SLC4A4: variants seen among roughly 807,000 people sequenced by gnomAD.
SLC4A4 encodes the protein solute carrier family 4 member 4.
SLC4A4 carries 27 observed loss-of-function variants against 111.5 expected under a neutral mutation model. The ratio of observed to expected loss-of-function variants is 0.24; its 90% CI spans 0.18 to 0.33. The LOEUF is 0.33. Ranked by LOEUF, SLC4A4 falls within the 10% of genes least tolerant of loss-of-function variation. The pLI is 1.00. For synonymous variants in SLC4A4, 443 were observed against 463.4 expected (o/e 0.96, Z 0.57); for missense variants, 909 against 1,315.5 (o/e 0.69, Z 4.78).
chr4:71,311,446 A>C (rs533888222), intron 3 of SLC4A4, among the ~76,000 whole-genome samples: 4 of 152,362 alleles, frequency 2.6e-5, no homozygotes, highest in African/African-American at 7.2e-5. Flanking sequence ...AATTGGAAGT[A>C]AAACACTCCT....
At chr4:71,479,635 G>C (rs1439545031) in intron 14 of SLC4A4, among the ~76,000 whole-genome samples, 1 of 151,684 alleles carries the variant, frequency 6.6e-6, no homozygotes, top group African/African-American at 2.4e-5. Context: ...CCCTCTTTAT[G>C]AGGTAGGTTT....
At chr4:71,529,132 C>T (rs1217432150) in intron 16 of SLC4A4, among the ~76,000 whole-genome samples, 1 of 151,820 alleles carries the variant, frequency 6.6e-6, no homozygotes, top group African/African-American at 2.4e-5. Flanking sequence ...ATAGCAACAC[C>T]ATTAAAAGAA....
intron 5 of SLC4A4, 102 bp from the exon 6 acceptor site, chr4:71,356,906 C>A: frequency 9.5e-7 from 1 of 1,050,620 alleles, no homozygotes; most frequent in Non-Finnish European, 1.4e-6. Flanking sequence ...AAAACAATAT[C>A]TTGCTATTAA....
intron 16 of SLC4A4, among the ~76,000 whole-genome samples, chr4:71,517,996 A>T (rs1163409595): frequency 6.6e-6 from 1 of 152,162 alleles, no homozygotes; most frequent in Non-Finnish European, 1.5e-5. Flanking sequence ...GGAGTGGTCC[A>T]GGAGCCTTGG....
intron 7 of SLC4A4, among the ~76,000 whole-genome samples, chr4:71,430,576 G>A (rs1723548717): frequency 6.6e-6 from 1 of 152,058 alleles, no homozygotes; most frequent in South Asian, 2.1e-4. Context: ...ATTAATTGAA[G>A]CCCAAAAGGG....
At chr4:71,430,672 G>C (rs939026588) in intron 7 of SLC4A4, among the ~76,000 whole-genome samples, 3 of 152,112 alleles carry the variant, frequency 2.0e-5, no homozygotes, top group Non-Finnish European at 2.9e-5. Context: ...TGAGACTGGG[G>C]ACTCAACAGT....
chr4:71,449,133 A>G (rs1023967872), intron 9 of SLC4A4, among the ~76,000 whole-genome samples: 1 of 152,180 alleles, frequency 6.6e-6, no homozygotes, highest in Non-Finnish European at 1.5e-5. Context: ...TTAATGATAA[A>G]TCAAGAGCTA....
At chr4:71,291,491 G>C (rs928595783) in intron 3 of SLC4A4, among the ~76,000 whole-genome samples, 4 of 151,966 alleles carry the variant, frequency 2.6e-5, no homozygotes, top group Admixed American at 2.0e-4. Context: ...CCAGGCTGGA[G>C]TGCAGTGGCA....
In SLC4A4 at chr4:71,160,334, A is replaced by AG. The variant is rs547843310; in HGVS notation, c.-2+67544dup. 1.2e-4 allele frequency among the ~76,000 whole-genome samples: 17 copies of AG among 136,144 alleles called. 1 individual carries two copies. In the South Asian group the frequency reaches 3.6e-3, roughly 29 times the overall value. 89.3% of individuals were successfully genotyped at this position (136,144 alleles called of 152,430 possible). On this transcript the variant is annotated intron_variant, in intron 2 of 26. Coordinates refer to the SLC4A4 transcript ENST00000649996. ...ATGTGTCTGGGTGAGTGTTAACTCC[A>AG]GGCTTTTTTTTTTTCTTTTCAAGAA...
intron 1 of SLC4A4, among the ~76,000 whole-genome samples, chr4:71,089,786 G>A (rs1742322059): frequency 6.6e-6 from 1 of 152,142 alleles, no homozygotes; most frequent in Non-Finnish European, 1.5e-5. Flanking sequence ...ACCCGGCCAT[G>A]TGAGGTGTCA....
chr4:71,534,756 T>C (rs1734262655), intron 18 of SLC4A4, among the ~76,000 whole-genome samples: 2 of 152,188 alleles, frequency 1.3e-5, no homozygotes, highest in South Asian at 4.1e-4. Context: ...ATCTGCTTTC[T>C]CTTAAATCAA....
chr4:71,443,098 C>CTG (rs1222306067), intron 8 of SLC4A4, among the ~76,000 whole-genome samples: 1 of 94,596 alleles, frequency 1.1e-5, no homozygotes, highest in African/African-American at 5.0e-5. Flanking sequence ...CTCTCTCTCT[C>CTG]TCTCTCTCTC....
chr4:71,530,905 G>C (rs1297439502), intron 16 of SLC4A4, among the ~76,000 whole-genome samples: 2 of 152,088 alleles, frequency 1.3e-5, no homozygotes, highest in African/African-American at 4.8e-5. Context: ...GAAGCTGACT[G>C]CTCACCCTGA....
chr4:71,318,898 T>C lies in SLC4A4; in HGVS notation c.254-20472T>C, dbSNP rs2148864501. Among the ~76,000 whole-genome samples, 2 of 151,974 alleles carry C rather than the reference T, an allele frequency of 1.3e-5. 1 individual carries two copies. The highest frequency in any genetic ancestry group is 2.9e-5 in the Non-Finnish European group (2 of 67,884). ...TTTTGACATGAGTTTTGTTCTATTGTAGTAGAGAATTAGACTTCCTAACAT... is the reference window on the plus strand; with the variant it reads ...TTTTGACATGAGTTTTGTTCTATTGCAGTAGAGAATTAGACTTCCTAACAT... On this transcript the variant is annotated intron_variant, in intron 3 of 25. Coordinates refer to ENST00000264485, the MANE Select transcript of SLC4A4 (RefSeq NM_001098484.3).
chr4:71,294,317 G>A (rs1724609098), intron 3 of SLC4A4, among the ~76,000 whole-genome samples: 1 of 152,152 alleles, frequency 6.6e-6, no homozygotes, highest in Non-Finnish European at 1.5e-5. Flanking sequence ...AGAATGGCCT[G>A]TTCATTGTAT....
At chr4:71,285,866 G>A (rs551874128) in intron 3 of SLC4A4, among the ~76,000 whole-genome samples, 1 of 152,190 alleles carries the variant, frequency 6.6e-6, no homozygotes, top group East Asian at 1.9e-4. Flanking sequence ...TGTTTATTAT[G>A]ACTTTTCATA....
chr4:71,146,670 T>C (rs1269244834), intron 2 of SLC4A4, among the ~76,000 whole-genome samples: 1 of 152,152 alleles, frequency 6.6e-6, no homozygotes, highest in East Asian at 1.9e-4. Context: ...AGTTAGTTCT[T>C]CTTGTTGAAT....
chr4:71,497,370 A>T (rs535259762), intron 15 of SLC4A4, 131 bp from the exon 16 acceptor site: 1 of 725,202 alleles, frequency 1.4e-6, no homozygotes, highest in Admixed American at 2.3e-5. Context: ...ATCAAGTTTC[A>T]CCCTCCAGTG....
chr4:71,391,738 A>T (rs79585763), intron 6 of SLC4A4, among the ~76,000 whole-genome samples: 6,545 of 151,598 alleles, frequency 0.043, 176 homozygotes, highest in Middle Eastern at 0.068. Context: ...CTTTTTTTTT[A>T]AATGAATCTT....
Sources: allele counts gnomAD v4.1 joint callset (sites outside exome capture counted in the v4.1 genomes callset), GRCh38; gene constraint gnomAD v4.1.1; transcripts MANE v1.5; gene names NCBI Gene and HGNC (gene_info 2026-07-23, HGNC 2026-07-21).